The following SYT14 variants were observed in gnomAD, a reference collection of about 807,000 sequenced individuals.
SYT14 encodes synaptotagmin-14.
Under a neutral mutation model 74.2 loss-of-function variants are expected in SYT14, and 32 were observed. The ratio of observed to expected loss-of-function variants is 0.43; its 90% CI spans 0.33 to 0.58. The LOEUF (loss-of-function observed/expected upper bound fraction) is 0.58, where lower values mean the gene tolerates loss of function less well. Ranked by LOEUF, SYT14 falls within the 20% of genes least tolerant of loss-of-function variation. The probability of loss-of-function intolerance (pLI) is 0.05; values close to 1 mark genes in which losing one functional copy is unlikely to be tolerated. For synonymous variants in SYT14, 298 were observed against 337.7 expected, an observed-to-expected ratio of 0.88 and a Z score of 1.29; for missense variants, 791 against 981.8, an observed-to-expected ratio of 0.81 and a Z score of 2.60.
At chr1:210,167,914 GAAT>G in exon 10 of SYT14, 1 of 152,126 alleles carries the variant, frequency 6.6e-6, no homozygotes, top group Admixed American at 6.6e-5. Flanking sequence ...CATCAAAGCT[GAAT>G]AATACCTATC....
At chr1:210,017,160 T>C (rs768688369) in intron 4 of SYT14, 165 of 1,126,284 alleles carry the variant, frequency 1.5e-4, no homozygotes, top group Non-Finnish European at 1.8e-4. Flanking sequence ...TTTAAATTAG[T>C]AAAACATCAT....
At position 209,940,138 on chromosome 1, in the gene SYT14, G is replaced by C. The variant is rs1308009431; in HGVS notation, c.-534+1861G>C. Among the ~76,000 whole-genome samples the C allele has an allele frequency of 2.0e-5, 3 of 152,152 alleles. No individual in the cohort carries two copies. The East Asian group carries it at 5.8e-4, about 29-fold the overall frequency. On this transcript the variant is annotated intron_variant, in intron 1 of 9. Transcript: ENST00000637265. ...AACTGTAATTAATATTAGCACTTCA[G>C]ATAAAGATGGCAGTTCGAATTAGCC...
chr1:210,037,832 A>G (rs762623574), intron 5 of SYT14, among the ~76,000 whole-genome samples: 68 of 152,004 alleles, frequency 4.5e-4, no homozygotes, highest in Admixed American at 2.0e-3. Flanking sequence ...TAAAAAATTT[A>G]TTGAGACTTG....
At chr1:210,070,675 T>C (rs2102442544) in intron 5 of SYT14, among the ~76,000 whole-genome samples, 1 of 152,224 alleles carries the variant, frequency 6.6e-6, no homozygotes, top group South Asian at 2.1e-4. Context: ...TACCATTTAC[T>C]GGGAAAGACA....
At chr1:210,055,015 G>A (rs2081069980) in intron 5 of SYT14, among the ~76,000 whole-genome samples, 2 of 152,130 alleles carry the variant, frequency 1.3e-5, no homozygotes, top group Non-Finnish European at 2.9e-5. Flanking sequence ...GCCTACTCTT[G>A]TTTTAGCATA....
intron 7 of SYT14, among the ~76,000 whole-genome samples, chr1:210,126,254 A>C (rs2082567980): frequency 6.6e-6 from 1 of 152,024 alleles, no homozygotes; most frequent in African/African-American, 2.4e-5. Flanking sequence ...CAGCTTGAAA[A>C]GTGCTTCCGT....
chr1:209,975,781 A>C (rs1430033115), intron 2 of SYT14, among the ~76,000 whole-genome samples: 1 of 152,170 alleles, frequency 6.6e-6, no homozygotes, highest in Non-Finnish European at 1.5e-5. Context: ...AAGGAATGAT[A>C]CCAGCTCCTC....
At chr1:210,096,849 A>T (rs867508873) in intron 6 of SYT14, among the ~76,000 whole-genome samples, 2 of 152,188 alleles carry the variant, frequency 1.3e-5, no homozygotes, top group South Asian at 4.1e-4. Context: ...GATCCGTCAG[A>T]TTTTCTATTT....
chr1:210,103,583 G>C (rs773644977), intron 7 of SYT14, among the ~76,000 whole-genome samples: 1 of 145,962 alleles, frequency 6.9e-6, no homozygotes, highest in Non-Finnish European at 1.5e-5. Context: ...TTAACATTAA[G>C]ATATAGTTTG....
chr1:210,059,445 TATATATAG>T lies in SYT14; in HGVS notation c.1313-34875_1313-34868del, dbSNP rs1456262125. Among the ~76,000 whole-genome samples the T allele has an allele frequency of 4.2e-3, 410 of 96,786 alleles. 1 individual carries two copies. The highest frequency in any genetic ancestry group is 6.0e-3 in the Non-Finnish European group (309 of 51,302). 63.5% of individuals were successfully genotyped at this position (96,786 alleles called of 152,430 possible). Reference sequence around the variant, plus strand: ...AAGAAAGAATATATATATATATATATATATATAGAGAGAGAGAGAGAGAGAGAGAGAGA... The same window carrying T: ...AAGAAAGAATATATATATATATATATAGAGAGAGAGAGAGAGAGAGAGAGA... On this transcript the variant is annotated intron_variant, in intron 5 of 9. Coordinates refer to ENST00000637265, the Ensembl canonical transcript of SYT14.
chr1:210,120,583 G>A lies in SYT14; in HGVS notation c.2034+20122G>A, dbSNP rs979639494. On this transcript the variant is annotated intron_variant, in intron 7 of 9. Transcript: ENST00000637265. ...CGGTAACCTGCTGTACAGGTTGGTA[G>A]CCTAGGAGCAATAGGCTATACCATC... Among the ~76,000 whole-genome samples, 8 of 152,100 alleles carry A rather than the reference G, an allele frequency of 5.3e-5. No homozygotes were observed. In the South Asian group the frequency reaches 1.7e-3, roughly 32 times the overall value.
intron 2 of SYT14, among the ~76,000 whole-genome samples, chr1:209,954,708 CT>C (rs775517244): frequency 2.5e-3 from 353 of 142,894 alleles, no homozygotes; most frequent in Middle Eastern, 7.2e-3. Context: ...TTCTTTCTCT[CT>C]TTTTTTTTTT....
chr1:210,059,793 T>TCA (rs1480226804), intron 5 of SYT14, among the ~76,000 whole-genome samples: 3 of 152,132 alleles, frequency 2.0e-5, no homozygotes, highest in Non-Finnish European at 4.4e-5. Flanking sequence ...TTCAGAAATT[T>TCA]GGATTGTTAC....
At chr1:210,085,433 C>T (rs1026245781) in intron 5 of SYT14, among the ~76,000 whole-genome samples, 2 of 152,164 alleles carry the variant, frequency 1.3e-5, no homozygotes, top group East Asian at 3.9e-4. Context: ...TGATAACAGT[C>T]ATCCTTGTCA....
At chr1:210,139,539 A>G (rs1247870501) in intron 7 of SYT14, among the ~76,000 whole-genome samples, 3 of 152,164 alleles carry the variant, frequency 2.0e-5, no homozygotes. Context: ...TTTATAGTGT[A>G]AAAGTCATGA....
intron 2 of SYT14, among the ~76,000 whole-genome samples, chr1:209,998,991 G>C (rs2079845941): frequency 6.6e-6 from 1 of 151,882 alleles, no homozygotes; most frequent in South Asian, 2.1e-4. Flanking sequence ...AAACAACAGA[G>C]CAAAAAGACA....
intron 7 of SYT14, among the ~76,000 whole-genome samples, chr1:210,134,280 T>A (rs1208046526): frequency 6.6e-6 from 1 of 151,822 alleles, no homozygotes; most frequent in Non-Finnish European, 1.5e-5. Flanking sequence ...TTTTTAAAAT[T>A]TTTTTTGTAG....
chr1:210,038,123 G>A (rs1215957289), intron 5 of SYT14, among the ~76,000 whole-genome samples: 8 of 151,804 alleles, frequency 5.3e-5, no homozygotes, highest in South Asian at 2.1e-4. Flanking sequence ...TATAAATTTC[G>A]GATTGTTACA....
rs540695653 is a variant in SYT14, at chr1:210,069,734, A to G, written c.1313-24588A>G. ...ATTTATCGCAGTACTTTTTATAATT[A>G]TTCTTATTTGAACGTGTTTTTGCTA... On this transcript the variant is annotated intron_variant, in intron 5 of 9. Transcript: ENST00000637265. 1.3e-4 allele frequency among the ~76,000 whole-genome samples: 20 copies of G among 152,044 alleles called. No homozygotes were observed. The South Asian group carries it at 1.5e-3, about 11-fold the overall frequency.
Sources: allele counts gnomAD v4.1 joint callset (sites outside exome capture counted in the v4.1 genomes callset), GRCh38; gene constraint gnomAD v4.1.1; transcripts MANE v1.5; gene names NCBI Gene and HGNC (gene_info 2026-07-23, HGNC 2026-07-21).